The following ANO10 variants were observed in gnomAD, a reference collection of about 807,000 sequenced individuals.
The protein encoded by ANO10 is anoctamin 10, also known as anoctamin-10.
A neutral mutation model predicts 74.7 loss-of-function variants in ANO10; 77 were observed. The observed-to-expected ratio is 1.03, with a 90% CI of 0.86 to 1.25. ANO10 has a LOEUF of 1.25. ANO10 is among the 50% of genes most tolerant of loss of function. The pLI is 0.00. For missense variants in ANO10, 721 were observed against 778.1 expected (o/e 0.93, Z 0.87); for synonymous variants, 279 against 284.9 (o/e 0.98, Z 0.21).
At chr3:43,555,218 C>T (rs1420453689) in intron 10 of ANO10, 60 bp downstream of exon 10, 3 of 1,554,004 alleles carry the variant, frequency 1.9e-6, no homozygotes, top group Non-Finnish European at 2.7e-6. Context: ...TTTTTTTTCC[C>T]TGTCATAACA....
intron 11 of ANO10, among the ~76,000 whole-genome samples, chr3:43,457,261 C>T (rs947178954): frequency 6.6e-6 from 1 of 152,204 alleles, no homozygotes; most frequent in African/African-American, 2.4e-5. Flanking sequence ...CAGTTAATAA[C>T]CTGCTGCAGA....
At chr3:43,489,910 C>T (rs1389756323) in intron 11 of ANO10, among the ~76,000 whole-genome samples, 4 of 151,828 alleles carry the variant, frequency 2.6e-5, no homozygotes, top group African/African-American at 9.7e-5. Context: ...ACTATCTAAA[C>T]ATTTACAAAT....
chr3:43,614,898 A>C (rs1444407543), intron 1 of ANO10, among the ~76,000 whole-genome samples: 1 of 149,462 alleles, frequency 6.7e-6, no homozygotes, highest in African/African-American at 2.4e-5. Flanking sequence ...TTATGCATTT[A>C]TGGCAAAAAA....
chr3:43,581,443 C>T (rs1450513989), intron 4 of ANO10, among the ~76,000 whole-genome samples: 3 of 152,204 alleles, frequency 2.0e-5, no homozygotes, highest in African/African-American at 7.2e-5. Flanking sequence ...GGAATTCTGT[C>T]ATCCACAGTA....
At chr3:43,394,517 C>T (rs2092340621) in intron 12 of ANO10, among the ~76,000 whole-genome samples, 1 of 152,150 alleles carries the variant, frequency 6.6e-6, no homozygotes, top group Admixed American at 6.5e-5. Flanking sequence ...TTAATCTCCT[C>T]TAAAGAGTTA....
chr3:43,636,469 T>G (rs2083612163), intron 1 of ANO10: 1 of 152,258 alleles, frequency 6.6e-6, no homozygotes, highest in Non-Finnish European at 1.5e-5. Context: ...GCTACAAAGG[T>G]CATTTCAGGG....
At chr3:43,530,138 G>A (rs901732536) in intron 11 of ANO10, among the ~76,000 whole-genome samples, 23 of 151,980 alleles carry the variant, frequency 1.5e-4, no homozygotes, top group Non-Finnish European at 8.8e-5. Flanking sequence ...TGGAATTAAG[G>A]TCCAAAAGCA....
chr3:43,381,869 C>T (rs2091969160), intron 12 of ANO10, among the ~76,000 whole-genome samples: 1 of 152,164 alleles, frequency 6.6e-6, no homozygotes, highest in African/African-American at 2.4e-5. Flanking sequence ...GGCAAGTACT[C>T]TCTCAGACCA....
chr3:43,560,133 C>T (rs1575425687), intron 9 of ANO10, among the ~76,000 whole-genome samples: 1 of 152,240 alleles, frequency 6.6e-6, no homozygotes, highest in East Asian at 1.9e-4. Flanking sequence ...ATGCTCCCTG[C>T]CCTTCAAAGG....
At chr3:43,371,210 G>A (rs2091598528) in intron 12 of ANO10, among the ~76,000 whole-genome samples, 1 of 152,108 alleles carries the variant, frequency 6.6e-6, no homozygotes, top group Non-Finnish European at 1.5e-5. Context: ...TCTGTCTGGG[G>A]AGCCCTTGGC....
chr3:43,642,845 A>ATT (rs78934141), intron 1 of ANO10, among the ~76,000 whole-genome samples: 2 of 144,306 alleles, frequency 1.4e-5, no homozygotes, highest in Non-Finnish European at 3.1e-5. Flanking sequence ...ATTCACAGAC[A>ATT]TTTTTTTTTT....
chr3:43,548,738 G>C (rs962485079), intron 11 of ANO10, among the ~76,000 whole-genome samples: 1 of 151,992 alleles, frequency 6.6e-6, no homozygotes, highest in Non-Finnish European at 1.5e-5. Flanking sequence ...AATGAAAGGT[G>C]GTTACAATAT....
At chr3:43,414,967 CTTTTTT>C (rs60554785) in intron 12 of ANO10, among the ~76,000 whole-genome samples, 76 of 66,606 alleles carry the variant, frequency 1.1e-3, no homozygotes, top group African/African-American at 4.6e-3. Context: ...TGTCATTGTG[CTTTTTT>C]TTTTTTTTTT....
At chr3:43,493,645 C>T (rs1353488720) in intron 11 of ANO10, among the ~76,000 whole-genome samples, 1 of 152,040 alleles carries the variant, frequency 6.6e-6, no homozygotes, top group Admixed American at 6.6e-5. Flanking sequence ...ACTTGCTATA[C>T]AATAGTTATT....
chr3:43,399,764 A>T (rs1010383673), intron 12 of ANO10, among the ~76,000 whole-genome samples: 1 of 152,180 alleles, frequency 6.6e-6, no homozygotes, highest in African/African-American at 2.4e-5. Flanking sequence ...ACATCAGAAG[A>T]GCCCCCAGGG....
At chr3:43,436,350 G>GCC (rs2093067287) in intron 11 of ANO10, among the ~76,000 whole-genome samples, 3 of 152,096 alleles carry the variant, frequency 2.0e-5, no homozygotes, top group African/African-American at 7.2e-5. Context: ...GAACAGAGGG[G>GCC]TGGAAGGAGC....
intron 12 of ANO10, among the ~76,000 whole-genome samples, chr3:43,400,648 C>T (rs758221324): frequency 2.0e-5 from 3 of 152,196 alleles, no homozygotes; most frequent in South Asian, 2.1e-4. Context: ...GGCATGGTGG[C>T]GCACACCTGT....
intron 5 of ANO10, among the ~76,000 whole-genome samples, chr3:43,577,632 T>C (rs1252200056): frequency 6.6e-6 from 1 of 151,850 alleles, no homozygotes; most frequent in Admixed American, 6.6e-5. Flanking sequence ...AATTTGGGGG[T>C]TTAATTTATG....
At chr3:43,499,934 C>T (rs543951383) in intron 11 of ANO10, among the ~76,000 whole-genome samples, 91 of 151,890 alleles carry the variant, frequency 6.0e-4, no homozygotes, top group South Asian at 2.3e-3. Context: ...TGGGTTCAAG[C>T]GATTCTCCTG....
Sources: gnomAD v4.1 joint callset for allele counts (sites outside exome capture counted in the v4.1 genomes callset) on GRCh38, gnomAD v4.1.1 for gene constraint, MANE v1.5 for transcripts, NCBI Gene and HGNC (gene_info 2026-07-23, HGNC 2026-07-21) for gene names.